CHN1: variants seen among roughly 807,000 people sequenced by gnomAD.
CHN1 encodes chimerin 1.
In CHN1, 37 loss-of-function variants were observed where a neutral mutation model predicts 59.5. The observed-to-expected ratio is 0.62, with a 90% CI of 0.48 to 0.82. The LOEUF is 0.82. CHN1 is among the 40% of genes least tolerant of loss of function. CHN1 has a pLI of 0.00. For synonymous variants in CHN1, 206 were observed against 200.4 expected (o/e 1.03, Z -0.24); for missense variants, 469 against 571.0 (o/e 0.82, Z 1.82).
chr2:174,865,906 C>T (rs1489986842), intron 6 of CHN1, among the ~76,000 whole-genome samples: 1 of 152,132 alleles, frequency 6.6e-6, no homozygotes, highest in East Asian at 1.9e-4. Context: ...TTGTGGTCAT[C>T]TATGAAGCTG....
chr2:174,979,792 A>C (rs1691080433), intron 1 of CHN1, among the ~76,000 whole-genome samples: 1 of 152,068 alleles, frequency 6.6e-6, no homozygotes, highest in African/African-American at 2.4e-5. Context: ...GAGGCAGGAG[A>C]ATTGCTTGAA....
chr2:174,833,777 G>C (rs929813324), intron 7 of CHN1, among the ~76,000 whole-genome samples: 1 of 147,378 alleles, frequency 6.8e-6, no homozygotes, highest in Non-Finnish European at 1.5e-5. Flanking sequence ...TTTATTCTAA[G>C]GTCTAGAACA....
At chr2:174,911,379 T>C (rs1688696366) in intron 5 of CHN1, among the ~76,000 whole-genome samples, 1 of 152,304 alleles carries the variant, frequency 6.6e-6, no homozygotes, top group Non-Finnish European at 1.5e-5. Context: ...GAGAATCACT[T>C]TGAAACACTT....
intron 1 of CHN1, among the ~76,000 whole-genome samples, chr2:174,968,099 G>C (rs528783404): frequency 6.2e-4 from 95 of 152,266 alleles, no homozygotes; most frequent in African/African-American, 2.2e-3. Context: ...TTATCAAAAG[G>C]ACAGTTGCTC....
At chr2:174,980,848 T>C (rs901949806) in intron 1 of CHN1, among the ~76,000 whole-genome samples, 2 of 152,218 alleles carry the variant, frequency 1.3e-5, no homozygotes, top group African/African-American at 2.4e-5. Context: ...CTTGTAATCA[T>C]GTAATTTTGA....
chr2:174,917,452 T>C (rs1000457636), intron 4 of CHN1, among the ~76,000 whole-genome samples: 8 of 151,636 alleles, frequency 5.3e-5, no homozygotes, highest in Non-Finnish European at 1.2e-4. Flanking sequence ...AAAAATTCAA[T>C]TAACTTAAAA....
At chr2:174,852,155 G>A (rs569103042) in intron 6 of CHN1, among the ~76,000 whole-genome samples, 27 of 152,094 alleles carry the variant, frequency 1.8e-4, no homozygotes, top group African/African-American at 5.5e-4. Flanking sequence ...CGGGTGTGGT[G>A]GCAGGCACCT....
intron 6 of CHN1, among the ~76,000 whole-genome samples, chr2:174,859,518 A>G (rs1333547172): frequency 6.6e-6 from 1 of 152,192 alleles, no homozygotes; most frequent in Non-Finnish European, 1.5e-5. Context: ...TCTTCTGCCA[A>G]CCCGGCTAAA....
intron 1 of CHN1, among the ~76,000 whole-genome samples, chr2:174,959,265 G>C (rs1690320283): frequency 6.6e-6 from 1 of 152,184 alleles, no homozygotes; most frequent in Non-Finnish European, 1.5e-5. Flanking sequence ...GATGTTCTTT[G>C]AAGGAGAACA....
At chr2:174,985,417 T>C (rs919734701) in intron 1 of CHN1, among the ~76,000 whole-genome samples, 7 of 152,178 alleles carry the variant, frequency 4.6e-5, no homozygotes, top group African/African-American at 1.7e-4. Flanking sequence ...CCATTCCACT[T>C]ATTAAATTTC....
intron 6 of CHN1, among the ~76,000 whole-genome samples, chr2:174,850,750 C>A (rs1686703210): frequency 2.0e-5 from 3 of 152,228 alleles, no homozygotes; most frequent in African/African-American, 7.2e-5. Flanking sequence ...TGGATCTAAT[C>A]CTAATTTTTA....
At chr2:174,865,091 A>T (rs1687179449) in intron 6 of CHN1, among the ~76,000 whole-genome samples, 1 of 152,188 alleles carries the variant, frequency 6.6e-6, no homozygotes, top group Non-Finnish European at 1.5e-5. Context: ...TTAAGAAAGG[A>T]TATTTTATTT....
intron 1 of CHN1, among the ~76,000 whole-genome samples, chr2:174,982,262 G>C (rs762840829): frequency 6.6e-6 from 1 of 152,158 alleles, no homozygotes; most frequent in Non-Finnish European, 1.5e-5. Context: ...AAACATACAT[G>C]TGCATGTGTC....
intron 6 of CHN1, among the ~76,000 whole-genome samples, chr2:174,862,833 T>C (rs1036861381): frequency 3.3e-5 from 5 of 152,162 alleles, no homozygotes; most frequent in African/African-American, 1.2e-4. Flanking sequence ...GATGGTTGTC[T>C]TGAGGAAAAG....
At chr2:174,965,800 AAT>A (rs1690573684) in intron 1 of CHN1, among the ~76,000 whole-genome samples, 1 of 152,194 alleles carries the variant, frequency 6.6e-6, no homozygotes, top group South Asian at 2.1e-4. Context: ...GTTTCGGTTC[AAT>A]ATTTAGACAC....
rs142090560 is a variant in CHN1, at chr2:174,962,424, C to G, written c.20-10222G>C. On this transcript the variant is annotated intron_variant, in intron 1 of 12. Coordinates refer to ENST00000409900, the MANE Select transcript of CHN1 (RefSeq NM_001822.7). The stretch of plus-strand genomic sequence containing the variant: ...TCAAAGTTATCCAGGGCTAATACTC[C>G]GAAAATGTTTGTGATTGCCTTCAGC... Among the ~76,000 whole-genome samples the G allele has an allele frequency of 2.8e-3, 424 of 152,098 alleles. 3 individuals carry two copies. The highest frequency in any genetic ancestry group is 4.8e-3 in the Admixed American group (74 of 15,274).
intron 6 of CHN1, among the ~76,000 whole-genome samples, chr2:174,855,979 C>G (rs1686887833): frequency 6.6e-6 from 1 of 152,050 alleles, no homozygotes; most frequent in South Asian, 2.1e-4. Flanking sequence ...TATTAACATG[C>G]CATTTTGAAA....
chr2:174,976,969 G>C (rs1454039312), intron 1 of CHN1, among the ~76,000 whole-genome samples: 1 of 152,174 alleles, frequency 6.6e-6, no homozygotes, highest in Non-Finnish European at 1.5e-5. Flanking sequence ...CCAGCATCTT[G>C]CTGCAATAAA....
chr2:174,854,447 G>C (rs1394658955), intron 6 of CHN1, among the ~76,000 whole-genome samples: 1 of 152,140 alleles, frequency 6.6e-6, no homozygotes, highest in Non-Finnish European at 1.5e-5. Context: ...TTACTACCCT[G>C]TCATTTTTCC....
Sources: allele counts gnomAD v4.1 joint callset (sites outside exome capture counted in the v4.1 genomes callset), GRCh38; gene constraint gnomAD v4.1.1; transcripts MANE v1.5; gene names NCBI Gene and HGNC (gene_info 2026-07-23, HGNC 2026-07-21).